Variants in INSR observed in about 807,000 individuals in gnomAD.
INSR encodes the protein IR.
In INSR, 67 loss-of-function variants were observed where a neutral mutation model predicts 142.6. That is an observed-to-expected ratio of 0.47 (90% CI 0.39 to 0.58). The LOEUF (loss-of-function observed/expected upper bound fraction) is 0.58, where lower values mean the gene tolerates loss of function less well. Ranked by LOEUF, INSR falls within the 20% of genes least tolerant of loss-of-function variation. INSR has a pLI of 0.00. For missense variants in INSR, 1,248 were observed against 1,833.2 expected, an observed-to-expected ratio of 0.68 and a Z score of 5.83; for synonymous variants, 756 against 743.1, an observed-to-expected ratio of 1.02 and a Z score of -0.28.
chr19:7,221,053 G>T (rs1046654663), intron 2 of INSR, among the ~76,000 whole-genome samples: 7 of 152,110 alleles, frequency 4.6e-5, no homozygotes, highest in Non-Finnish European at 7.3e-5. Flanking sequence ...TCCCTGTCAG[G>T]ACTCTGCAGA....
rs1972320966 is a variant in INSR, at chr19:7,116,267, C to G, written c.*789G>C. ...GACTTCTGACACAAGAAGAATCTGT[C>G]GAGAGCACAGTCTCCCAGTCAATAA... is the stretch of plus-strand genomic sequence containing the variant. On this transcript the variant is annotated 3_prime_UTR_variant, in exon 22 of 22. Coordinates refer to ENST00000302850, the MANE Select transcript of INSR (RefSeq NM_000208.4). 1 of 151,490 alleles carries G rather than the reference C, an allele frequency of 6.6e-6. No individual in the cohort carries two copies. Among genetic ancestry groups the G allele is most frequent in the African/African-American group, 2.4e-5 (1 of 41,196 alleles). 9.4% of individuals were successfully genotyped at this position (151,490 alleles called of 1,614,324 possible).
chr19:7,197,516 G>GTGTGT (rs1568480264), intron 2 of INSR, among the ~76,000 whole-genome samples: 1,440 of 70,918 alleles, frequency 0.02, 284 homozygotes, highest in African/African-American at 0.047. Context: ...TGGGAGTGGG[G>GTGTGT]GTGTGTGTGT....
At chr19:7,178,471 A>G (rs1162159484) in intron 3 of INSR, among the ~76,000 whole-genome samples, 1 of 151,886 alleles carries the variant, frequency 6.6e-6, no homozygotes, top group Non-Finnish European at 1.5e-5. Context: ...CTGTAATCCT[A>G]GCACTTTGGG....
chr19:7,211,255 T>C (rs1345326236), intron 2 of INSR, among the ~76,000 whole-genome samples: 2 of 152,152 alleles, frequency 1.3e-5, no homozygotes, highest in African/African-American at 4.8e-5. Flanking sequence ...GTAGTAGAAA[T>C]AGGCTCTTTC....
At chr19:7,182,373 C>T (rs1974296519) in intron 3 of INSR, among the ~76,000 whole-genome samples, 1 of 151,814 alleles carries the variant, frequency 6.6e-6, no homozygotes, top group Non-Finnish European at 1.5e-5. Context: ...ATTGGCCAGG[C>T]TTGCTGCCTC....
Position 7,197,878 on chromosome 19 carries a change from GTGTC to G in INSR, c.653-13245_653-13242del, listed in dbSNP as rs1169137793. ...AACGAGAGAGAGTGTGTGCGCGTGT[GTGTC>G]TGTGCAGCCCCAGGATTGGTCGGTT... is the stretch of plus-strand genomic sequence containing the variant. On this transcript the variant is annotated intron_variant, in intron 2 of 21. Coordinates refer to ENST00000302850, the MANE Select transcript of INSR (RefSeq NM_000208.4). Among the ~76,000 whole-genome samples, 5 of 148,604 alleles carry G rather than the reference GTGTC, an allele frequency of 3.4e-5. No individual in the cohort carries two copies. In the South Asian group the frequency reaches 8.7e-4, roughly 26 times the overall value.
intron 2 of INSR, among the ~76,000 whole-genome samples, chr19:7,185,324 C>T (rs1457880584): frequency 6.6e-6 from 1 of 152,208 alleles, no homozygotes; most frequent in Non-Finnish European, 1.5e-5. Flanking sequence ...TGCTGCACCC[C>T]ACATGTGAAG....
chr19:7,171,759 GA>G (rs1249648910), intron 5 of INSR, among the ~76,000 whole-genome samples: 1 of 152,116 alleles, frequency 6.6e-6, no homozygotes, highest in Non-Finnish European at 1.5e-5. Context: ...TGTTTCTCAA[GA>G]ATGACTATAA....
intron 2 of INSR, among the ~76,000 whole-genome samples, chr19:7,197,213 A>G (rs983421181): frequency 6.6e-6 from 1 of 152,240 alleles, no homozygotes; most frequent in Non-Finnish European, 1.5e-5. Flanking sequence ...TTGGAATAGA[A>G]CTGCGCAGCT....
intron 1 of INSR, among the ~76,000 whole-genome samples, chr19:7,289,804 A>G (rs1344853754): frequency 6.6e-6 from 1 of 152,166 alleles, no homozygotes; most frequent in Non-Finnish European, 1.5e-5. Context: ...GTGCCTGGCA[A>G]TGTCTGGAGA....
At position 7,294,042 on chromosome 19, in the gene INSR, G is replaced by A. The variant is rs1568243882; in HGVS notation, c.-151C>T. 5 of 819,726 alleles carry A rather than the reference G, an allele frequency of 6.1e-6. No individual in the cohort carries two copies. Among genetic ancestry groups the A allele is most frequent in the Non-Finnish European group, 7.7e-6 (5 of 651,064 alleles). 50.8% of individuals were successfully genotyped at this position (819,726 alleles called of 1,614,324 possible). A position where few individuals can be genotyped will look rare whatever the true frequency, so the allele number is the denominator to read the frequency against. Reference sequence around the variant, plus strand: ...CGCGGGCCGCAGCCCCCCTGCCGGGGAGGGCCCAGAGGCAGCCCCGGGAAG... The same window carrying A: ...CGCGGGCCGCAGCCCCCCTGCCGGGAAGGGCCCAGAGGCAGCCCCGGGAAG... On this transcript the variant is annotated 5_prime_UTR_variant, in exon 1 of 22. Transcript: ENST00000302850.
intron 2 of INSR, among the ~76,000 whole-genome samples, chr19:7,213,965 A>G (rs1370040890): frequency 1.3e-5 from 2 of 150,738 alleles, no homozygotes; most frequent in African/African-American, 5.0e-5. Flanking sequence ...ACTCCAGGCT[A>G]GGTGACAGGG....
At chr19:7,250,431 A>G (rs1976680630) in intron 2 of INSR, among the ~76,000 whole-genome samples, 2 of 119,624 alleles carry the variant, frequency 1.7e-5, no homozygotes, top group South Asian at 2.7e-4. Context: ...GCAAGGAAGA[A>G]AGAAGAAAAG....
chr19:7,202,192 C>T (rs1398422909), intron 2 of INSR, among the ~76,000 whole-genome samples: 2 of 152,144 alleles, frequency 1.3e-5, no homozygotes, highest in East Asian at 3.9e-4. Flanking sequence ...TTAATTTTCA[C>T]GTGGGTTGTG....
At chr19:7,194,254 T>C (rs1261837658) in intron 2 of INSR, among the ~76,000 whole-genome samples, 2 of 151,758 alleles carry the variant, frequency 1.3e-5, no homozygotes, top group Non-Finnish European at 2.9e-5. Flanking sequence ...CACTCTCTAT[T>C]CAAAATACAA....
At chr19:7,253,232 GTTTATTTAT>G (rs1386564727) in intron 2 of INSR, among the ~76,000 whole-genome samples, 12 of 149,748 alleles carry the variant, frequency 8.0e-5, no homozygotes, top group Middle Eastern at 3.5e-3. Flanking sequence ...TTATTTATTT[GTTTATTTAT>G]TTATTTAATT....
chr19:7,130,652 G>A (rs1237525034), intron 14 of INSR, among the ~76,000 whole-genome samples: 1 of 152,078 alleles, frequency 6.6e-6, no homozygotes, highest in East Asian at 1.9e-4. Flanking sequence ...GTTTCTTGAG[G>A]CTTCCTCAGA....
chr19:7,198,784 G>C (rs567167800), intron 2 of INSR, among the ~76,000 whole-genome samples: 1 of 152,184 alleles, frequency 6.6e-6, no homozygotes, highest in African/African-American at 2.4e-5. Context: ...CCTCCAGCCA[G>C]TATTCCGCAT....
intron 9 of INSR, among the ~76,000 whole-genome samples, chr19:7,153,320 C>T (rs113707002): frequency 0.039 from 110 of 2,828 alleles, 1 homozygote; most frequent in Non-Finnish European, 0.061. Flanking sequence ...ATCACACACA[C>T]ACCACACACA....
Sources: gnomAD v4.1 joint callset for allele counts (sites outside exome capture counted in the v4.1 genomes callset) on GRCh38, gnomAD v4.1.1 for gene constraint, MANE v1.5 for transcripts, NCBI Gene and HGNC (gene_info 2026-07-23, HGNC 2026-07-21) for gene names.